Variants in ATP2B2 observed in about 807,000 individuals in gnomAD.
ATP2B2 encodes the protein ATPase plasma membrane Ca2+ transporting 2.
ATP2B2 carries 15 observed loss-of-function variants against 120.0 expected under a neutral mutation model. That is an observed-to-expected ratio of 0.12 (90% CI 0.08 to 0.19). The LOEUF (loss-of-function observed/expected upper bound fraction) is 0.19. Ranked by LOEUF, ATP2B2 falls within the 10% of genes least tolerant of loss-of-function variation. The pLI is 1.00. For missense variants in ATP2B2, 1,045 were observed against 1,719.8 expected, an observed-to-expected ratio of 0.61 and a Z score of 6.94; for synonymous variants, 694 against 700.3, an observed-to-expected ratio of 0.99 and a Z score of 0.14.
rs546986121 is a variant in ATP2B2, at chr3:10,520,710, C to G, written c.-320+13329G>C. Among the ~76,000 whole-genome samples the G allele has an allele frequency of 7.9e-5, 12 of 152,048 alleles. No homozygotes were observed. The South Asian group carries it at 2.5e-3, about 32-fold the overall frequency. On this transcript the variant is annotated intron_variant, in intron 3 of 21. Transcript: ENST00000646379. ...ATCTCAAGTGATCTGCCTGCCTGGG[C>G]CTCCCAAAGTGCTAGGATTACAGGC...
At position 10,338,292 on chromosome 3, in the gene ATP2B2, CCTT is replaced by C; in HGVS notation, c.3301_3303del (p.Lys1101del). ...TTGAGCTCCTCCTCCGGGATCTCCT[CCTT>C]CTGTGTGAGCCTGCCTGCCTCCTTG... On this transcript the variant is annotated inframe_deletion, in exon 22 of 23. Transcript: ENST00000360273. 6.2e-7 allele frequency: 1 copy of C among 1,614,198 alleles called. No individual in the cohort carries two copies. Among genetic ancestry groups the C allele is most frequent in the Non-Finnish European group, 8.5e-7 (1 of 1,180,032 alleles).
intron 2 of ATP2B2, among the ~76,000 whole-genome samples, chr3:10,614,967 T>C (rs2069343965): frequency 6.6e-6 from 1 of 152,194 alleles, no homozygotes; most frequent in African/African-American, 2.4e-5. Flanking sequence ...GTTTTCTCAA[T>C]CAAGTGTCCC....
intron 1 of ATP2B2, among the ~76,000 whole-genome samples, chr3:10,505,023 G>A (rs2066560727): frequency 6.6e-6 from 1 of 152,196 alleles, no homozygotes; most frequent in Admixed American, 6.5e-5. Context: ...TGGGCAACGG[G>A]CACCCTCCAG....
intron 1 of ATP2B2, among the ~76,000 whole-genome samples, chr3:10,658,393 C>T (rs2070694329): frequency 6.6e-6 from 1 of 152,122 alleles, no homozygotes; most frequent in African/African-American, 2.4e-5. Context: ...GTAGAGAAGT[C>T]CTTAAATGAC....
intron 2 of ATP2B2, among the ~76,000 whole-genome samples, chr3:10,559,533 G>GAAA (rs34129989): frequency 2.0e-5 from 3 of 148,466 alleles, no homozygotes; most frequent in African/African-American, 5.0e-5. Flanking sequence ...AAAAGAAAAG[G>GAAA]AAAAAAAAAA....
At chr3:10,505,649 CA>C (rs1205271104), upstream of ATP2B2, 2 of 145,736 alleles carry the variant, frequency 1.4e-5, no homozygotes, top group African/African-American at 5.1e-5. Flanking sequence ...TCTAGGAGAG[CA>C]TCTCGCCGGC....
At chr3:10,523,817 C>T (rs1248154186) in intron 3 of ATP2B2, among the ~76,000 whole-genome samples, 1 of 150,442 alleles carries the variant, frequency 6.6e-6, no homozygotes, top group African/African-American at 2.5e-5. Context: ...ATCTCTAGGC[C>T]CCCGTTTCCT....
chr3:10,353,226 G>A (rs1276199855), intron 14 of ATP2B2, among the ~76,000 whole-genome samples: 1 of 152,210 alleles, frequency 6.6e-6, no homozygotes, highest in Non-Finnish European at 1.5e-5. Context: ...GTGCTGCTGA[G>A]TATAAGGGGG....
intron 11 of ATP2B2, among the ~76,000 whole-genome samples, chr3:10,373,935 T>C (rs1420192412): frequency 6.6e-6 from 1 of 152,120 alleles, no homozygotes; most frequent in East Asian, 1.9e-4. Context: ...TGGGCAGTGC[T>C]GATCTAAGTG....
intron 1 of ATP2B2, among the ~76,000 whole-genome samples, chr3:10,477,384 G>A (rs901590304): frequency 1.3e-5 from 2 of 152,030 alleles, no homozygotes; most frequent in Admixed American, 1.3e-4. Context: ...TCTCTTTTTT[G>A]TGGTTAAGTC....
intron 1 of ATP2B2, among the ~76,000 whole-genome samples, chr3:10,464,320 A>G (rs868207497): frequency 2.6e-5 from 4 of 152,140 alleles, no homozygotes; most frequent in South Asian, 2.1e-4. Context: ...GACAGATGCG[A>G]ATGCAGCCTC....
At chr3:10,634,578 T>C (rs2069967385) in intron 1 of ATP2B2, among the ~76,000 whole-genome samples, 1 of 152,152 alleles carries the variant, frequency 6.6e-6, no homozygotes, top group South Asian at 2.1e-4. Context: ...AAAACACAAT[T>C]TTGGGGTCGC....
At chr3:10,418,088 T>G (rs2125051593) in intron 2 of ATP2B2, among the ~76,000 whole-genome samples, 1 of 152,224 alleles carries the variant, frequency 6.6e-6, no homozygotes, top group Admixed American at 6.5e-5. Flanking sequence ...ACTCATCTTT[T>G]TGCCATCTTC....
At position 10,371,388 on chromosome 3, in the gene ATP2B2, G is replaced by C. The variant is rs1283696510; in HGVS notation, c.1659+421C>G. ...GATGTCCACATGAACCCCCACAGAT[G>C]CAGGAGGAAGCCTAGCTGAGACCAG... is the stretch of plus-strand genomic sequence containing the variant. On this transcript the variant is annotated intron_variant, in intron 12 of 22. Transcript: ENST00000360273. 1.3e-5 allele frequency among the ~76,000 whole-genome samples: 2 copies of C among 152,232 alleles called. 1 individual carries two copies.
At position 10,402,281 on chromosome 3, in the gene ATP2B2, G is replaced by A. The variant is rs1004858963; in HGVS notation, c.465C>T (p.Ala155=). 8 of 1,613,890 alleles carry A rather than the reference G, an allele frequency of 5.0e-6. No homozygotes were observed. The highest frequency in any genetic ancestry group is 4.0e-5 in the African/African-American group (3 of 74,892). Residue 155 remains alanine, a synonymous_variant, in exon 4 of 23, where the codon GCC becomes GCT. Transcript: ENST00000360273. This position sits in a 1 kb window ranked among gnomAD's most constrained non-coding sequence, Gnocchi z 4.9. ...CACAGATAACTGAGAGGAGAATGGC[G>A]GCCCCCTCGATCCAACCTGCCTCTG... The part of the protein sequence containing the change: ...GEAEAGWIEG[A]AILLSVICVV...
intron 1 of ATP2B2, among the ~76,000 whole-genome samples, chr3:10,486,638 C>T (rs2065685763): frequency 6.6e-6 from 1 of 152,106 alleles, no homozygotes; most frequent in Admixed American, 6.5e-5. Context: ...TCCTCCCTGA[C>T]CACGCTAGTG....
At chr3:10,332,343 C>G in intron 22 of ATP2B2, 1 of 378,536 alleles carries the variant, frequency 2.6e-6, no homozygotes, top group Non-Finnish European at 4.9e-6. Context: ...TGGCTCTTGG[C>G]TTGGGTGGTT....
intron 1 of ATP2B2, among the ~76,000 whole-genome samples, chr3:10,668,799 C>T (rs931397774): frequency 2.6e-5 from 4 of 152,230 alleles, no homozygotes; most frequent in Admixed American, 1.3e-4. Context: ...GCAGGCTCCT[C>T]GCCTGCTTGC....
chr3:10,681,854 T>C (rs1332102613), intron 1 of ATP2B2, among the ~76,000 whole-genome samples: 1 of 152,208 alleles, frequency 6.6e-6, no homozygotes, highest in Non-Finnish European at 1.5e-5. Context: ...TGAACTACTC[T>C]GCTGACCCAG....
Sources: allele counts gnomAD v4.1 joint callset (sites outside exome capture counted in the v4.1 genomes callset), GRCh38; gene constraint gnomAD v4.1.1; non-coding constraint Gnocchi (gnomAD v3.1); transcripts MANE v1.5; gene names NCBI Gene and HGNC (gene_info 2026-07-23, HGNC 2026-07-21).